Variants in INO80 observed in about 807,000 individuals in gnomAD.
INO80 encodes the protein INO80 complex ATPase subunit, also known as chromatin-remodeling ATPase INO80.
Under a neutral mutation model 203.4 loss-of-function variants are expected in INO80, and 20 were observed. The observed-to-expected ratio is 0.10, with a 90% CI of 0.07 to 0.14. The LOEUF is 0.14. Among genes scored for constraint, INO80 ranks in the 10% least tolerant of loss-of-function variants. INO80 has a pLI of 1.00. For synonymous variants in INO80, 726 were observed against 685.2 expected, an observed-to-expected ratio of 1.06 and a Z score of -0.93; for missense variants, 1,419 against 1,914.4, an observed-to-expected ratio of 0.74 and a Z score of 4.83.
intron 1 of INO80, among the ~76,000 whole-genome samples, chr15:41,110,052 G>A (rs1443871475): frequency 6.6e-6 from 1 of 151,064 alleles, no homozygotes; most frequent in African/African-American, 2.4e-5. Context: ...CTGAGATCGT[G>A]CTACTGCACA....
At chr15:41,024,716 A>G (rs146872132) in intron 25 of INO80, 1 of 152,336 alleles carries the variant, frequency 6.6e-6, no homozygotes, top group East Asian at 1.9e-4. Flanking sequence ...AGCTCCTATA[A>G]TTCCTTCCAT....
At chr15:41,022,419 T>C (rs2044308487) in intron 25 of INO80, among the ~76,000 whole-genome samples, 1 of 152,164 alleles carries the variant, frequency 6.6e-6, no homozygotes, top group African/African-American at 2.4e-5. Flanking sequence ...AAGGACCTCC[T>C]TTGAAGCGGA....
At chr15:41,000,322 G>A (rs2043941980) in intron 28 of INO80, among the ~76,000 whole-genome samples, 2 of 152,128 alleles carry the variant, frequency 1.3e-5, no homozygotes, top group Non-Finnish European at 2.9e-5. Context: ...AATGGGTACA[G>A]GGTGGGAGTA....
At chr15:41,112,262 T>C (rs1461873079) in intron 1 of INO80, among the ~76,000 whole-genome samples, 1 of 152,120 alleles carries the variant, frequency 6.6e-6, no homozygotes, top group African/African-American at 2.4e-5. Context: ...AATAGAATAG[T>C]GGTTCTGTCA....
At position 41,078,491 on chromosome 15, in the gene INO80, A is replaced by G. The variant is rs553057758; in HGVS notation, c.1131+1210T>C. Among the ~76,000 whole-genome samples, 5 of 101,438 alleles carry G rather than the reference A, an allele frequency of 4.9e-5. No homozygotes were observed. In the South Asian group the frequency reaches 1.5e-3, roughly 31 times the overall value. The allele number at this position is 101,438 out of a possible 152,430, so 66.5% of individuals were successfully genotyped here. On this transcript the variant is annotated intron_variant, in intron 9 of 35. Transcript: ENST00000648947. ...AGCATCAAATGTTTACTAACTTGAT[A>G]ATTATGATTACCTTGCATGCAAATA...
chr15:40,993,253 A>T (rs1199571457), intron 29 of INO80, among the ~76,000 whole-genome samples: 2 of 151,584 alleles, frequency 1.3e-5, no homozygotes, highest in African/African-American at 4.8e-5. Flanking sequence ...CAAGGTGCAG[A>T]TCTCTCTTTA....
chr15:41,035,822 A>AC, intron 24 of INO80, among the ~76,000 whole-genome samples: 1 of 16,128 alleles, frequency 6.2e-5, no homozygotes, highest in Non-Finnish European at 1.8e-4. Context: ...ACTCTGTCTC[A>AC]AAAAAAAAAA....
In INO80 at chr15:41,115,957, C is replaced by T. The variant is rs549104789; in HGVS notation, c.-44+16G>A. The T allele has an allele frequency of 3.1e-5, 12 of 382,880 alleles. No homozygotes were observed. Among genetic ancestry groups the T allele is most frequent in the African/African-American group, 2.3e-4 (11 of 48,030 alleles). The allele number at this position is 382,880 out of a possible 1,614,324, so 23.7% of individuals were successfully genotyped here. A position where few individuals can be genotyped will look rare whatever the true frequency, so the allele number is the denominator to read the frequency against. The stretch of plus-strand genomic sequence containing the variant: ...AACCCCCACTCCGTTCGCCCGCCCA[C>T]GTCTAGTTGCCTCACCTCGGGCCGC... On this transcript the variant is annotated intron_variant, in intron 1 of 35. Coordinates refer to ENST00000648947, the MANE Select transcript of INO80 (RefSeq NM_017553.3).
intron 14 of INO80, among the ~76,000 whole-genome samples, chr15:41,061,529 A>T (rs2045108515): frequency 6.6e-6 from 1 of 150,408 alleles, no homozygotes; most frequent in Admixed American, 6.6e-5. Flanking sequence ...AGGCTGAGGC[A>T]GGAAAATCGC....
chr15:41,097,395 C>G (rs2045741855), intron 1 of INO80, among the ~76,000 whole-genome samples: 1 of 152,092 alleles, frequency 6.6e-6, no homozygotes, highest in Non-Finnish European at 1.5e-5. Flanking sequence ...CTGGTTATCT[C>G]TAAATACTTA....
At chr15:41,038,186 T>A (rs2044611983) in intron 24 of INO80, among the ~76,000 whole-genome samples, 1 of 151,460 alleles carries the variant, frequency 6.6e-6, no homozygotes, top group South Asian at 2.1e-4. Context: ...GGCTAGTTTT[T>A]TTTATTTTTA....
rs188522635 is a variant in INO80 at position 41,060,235 on chromosome 15, T to C, written c.1783-309A>G. On this transcript the variant is annotated intron_variant, in intron 14 of 35. Transcript: ENST00000648947. ...GTGGTATACTTTATCACTGATGGTA[T>C]CATGGCATTACAAAAGTTCTAGTTG... Among the ~76,000 whole-genome samples, 407 of 152,288 alleles carry C rather than the reference T, an allele frequency of 2.7e-3. 3 individuals are homozygous for C. Among genetic ancestry groups the C allele is most frequent in the South Asian group, 0.013 (61 of 4,826 alleles).
intron 14 of INO80, among the ~76,000 whole-genome samples, chr15:41,068,684 CCTCT>C (rs1014472334): frequency 5.3e-5 from 8 of 151,732 alleles, no homozygotes; most frequent in Non-Finnish European, 7.4e-5. Context: ...ATGGTGAAAC[CCTCT>C]CTCTATTAAA....
chr15:40,979,636 G>C lies in INO80; in HGVS notation c.*587C>G, dbSNP rs180781964. On this transcript the variant is annotated 3_prime_UTR_variant, in exon 36 of 36. Coordinates refer to ENST00000648947, the MANE Select transcript of INO80 (RefSeq NM_017553.3). ...GGAATTGCTGGGAACACAACTGCCT[G>C]TGGATAGACTTCCTCTAGCCTCTAC... 2.9e-4 allele frequency: 46 copies of C among 156,738 alleles called. No homozygotes were observed. The East Asian group carries it at 8.8e-3, about 30-fold the overall frequency. 9.7% of individuals were successfully genotyped at this position (156,738 alleles called of 1,614,324 possible). A position where few individuals can be genotyped will look rare whatever the true frequency, so the allele number is the denominator to read the frequency against.
At chr15:41,102,531 G>A (rs2140685895) in intron 1 of INO80, among the ~76,000 whole-genome samples, 1 of 151,684 alleles carries the variant, frequency 6.6e-6, no homozygotes, top group South Asian at 2.1e-4. Flanking sequence ...AGCCAGGTGT[G>A]GTGGCGGGTT....
chr15:41,072,972 G>T (rs2045346891), intron 11 of INO80, among the ~76,000 whole-genome samples: 1 of 151,772 alleles, frequency 6.6e-6, no homozygotes, highest in African/African-American at 2.4e-5. Flanking sequence ...GTAGAGATGG[G>T]GTTTCACCGT....
At chr15:41,087,252 A>T (rs113641575) in intron 6 of INO80, among the ~76,000 whole-genome samples, 41 of 152,316 alleles carry the variant, frequency 2.7e-4, no homozygotes, top group African/African-American at 9.6e-4. Context: ...CATATGAGGT[A>T]TTATAAGTAA....
intron 14 of INO80, among the ~76,000 whole-genome samples, chr15:41,067,023 G>T (rs1287928477): frequency 6.6e-6 from 1 of 152,022 alleles, no homozygotes; most frequent in Non-Finnish European, 1.5e-5. Flanking sequence ...TATCAGCAGT[G>T]GAAGAGCTAC....
Position 41,042,015 on chromosome 15 carries a change from AT to A in INO80, c.2907+2888del, listed in dbSNP as rs59485772. Among the ~76,000 whole-genome samples the A allele has an allele frequency of 2.0e-3, 262 of 133,934 alleles. 1 individual carries two copies. The highest frequency in any genetic ancestry group is 2.7e-3 in the Admixed American group (36 of 13,154). 87.9% of individuals were successfully genotyped at this position (133,934 alleles called of 152,430 possible). ...ATGCTTGGCTAATTTTTAATTTTTA[AT>A]TTTTTTTTTTTTTTTGAGACAGAAT... is the stretch of plus-strand genomic sequence containing the variant. On this transcript the variant is annotated intron_variant, in intron 24 of 35. Coordinates refer to ENST00000648947, the MANE Select transcript of INO80 (RefSeq NM_017553.3).
Sources: gnomAD v4.1 joint callset for allele counts (sites outside exome capture counted in the v4.1 genomes callset) on GRCh38, gnomAD v4.1.1 for gene constraint, MANE v1.5 for transcripts, NCBI Gene and HGNC (gene_info 2026-07-23, HGNC 2026-07-21) for gene names.